The following PAPSS2 variants were observed in gnomAD, a reference collection of about 807,000 sequenced individuals.
The protein encoded by PAPSS2 is 3'-phosphoadenosine 5'-phosphosulfate synthase 2.
A neutral mutation model predicts 66.5 loss-of-function variants in PAPSS2; 61 were observed. That is an observed-to-expected ratio of 0.92 (90% CI 0.75 to 1.14). PAPSS2 has a LOEUF of 1.14. Among genes scored for constraint, PAPSS2 ranks in the 50% most tolerant of loss-of-function variants. The pLI is 0.00. For missense variants in PAPSS2, 708 were observed against 789.6 expected (o/e 0.90, Z 1.24); for synonymous variants, 289 against 287.5 (o/e 1.01, Z -0.05).
chr10:87,660,921 G>A, intron 1 of PAPSS2: 1 of 453,144 alleles, frequency 2.2e-6, no homozygotes, highest in East Asian at 7.0e-5. Context: ...AGCAAGCCTT[G>A]ATAAAATCCT....
chr10:87,672,227 AACAG>A (rs1358759400), intron 1 of PAPSS2, among the ~76,000 whole-genome samples: 3 of 152,294 alleles, frequency 2.0e-5, no homozygotes, highest in Non-Finnish European at 4.4e-5. Flanking sequence ...TTTGTCTGAG[AACAG>A]ACAGAGGCTC....
intron 1 of PAPSS2, among the ~76,000 whole-genome samples, chr10:87,697,278 C>A (rs941828): frequency 0.48 from 72,348 of 152,000 alleles, 18,026 homozygotes; most frequent in East Asian, 0.64. Context: ...GCTCCAGTCA[C>A]CCTAGTGTGC....
intron 8 of PAPSS2, among the ~76,000 whole-genome samples, chr10:87,723,035 C>G (rs968571490): frequency 1.7e-4 from 26 of 152,198 alleles, no homozygotes; most frequent in African/African-American, 6.3e-4. Flanking sequence ...AACAGTGAAA[C>G]ATCCCTTGGA....
intron 1 of PAPSS2, among the ~76,000 whole-genome samples, chr10:87,682,970 G>C (rs1187299919): frequency 6.6e-6 from 1 of 152,176 alleles, no homozygotes; most frequent in Admixed American, 6.5e-5. Context: ...TGAGGGCAGT[G>C]CACAGTATTC....
chr10:87,731,998 G>T (rs1391521911), intron 9 of PAPSS2, among the ~76,000 whole-genome samples: 1 of 152,186 alleles, frequency 6.6e-6, no homozygotes, highest in Non-Finnish European at 1.5e-5. Flanking sequence ...TCTACCATGC[G>T]TAAAATGCTA....
At chr10:87,672,165 G>C (rs1181464472) in intron 1 of PAPSS2, among the ~76,000 whole-genome samples, 1 of 152,196 alleles carries the variant, frequency 6.6e-6, no homozygotes, top group Non-Finnish European at 1.5e-5. Context: ...GTGGGGCCAT[G>C]TAACAGTAGA....
At chr10:87,734,328 G>A (rs1443795153) in intron 9 of PAPSS2, among the ~76,000 whole-genome samples, 1 of 152,082 alleles carries the variant, frequency 6.6e-6, no homozygotes, top group Non-Finnish European at 1.5e-5. Flanking sequence ...TGACTCCTAT[G>A]ACACATGAGC....
At chr10:87,691,316 A>C (rs1853168322) in intron 1 of PAPSS2, among the ~76,000 whole-genome samples, 1 of 152,200 alleles carries the variant, frequency 6.6e-6, no homozygotes, top group African/African-American at 2.4e-5. Flanking sequence ...GAACCCCCAT[A>C]GTATTCCAGG....
At chr10:87,676,960 G>C (rs567350276) in intron 1 of PAPSS2, among the ~76,000 whole-genome samples, 1 of 148,188 alleles carries the variant, frequency 6.7e-6, no homozygotes, top group Non-Finnish European at 1.5e-5. Flanking sequence ...TTGGGAGGCC[G>C]AGGCAGGCAG....
chr10:87,700,573 G>A (rs548777053), intron 1 of PAPSS2, among the ~76,000 whole-genome samples: 43 of 151,560 alleles, frequency 2.8e-4, no homozygotes, highest in African/African-American at 9.2e-4. Context: ...TGGGAGGATC[G>A]CTTGAGCCGG....
intron 7 of PAPSS2, among the ~76,000 whole-genome samples, chr10:87,718,805 T>A (rs560067385): frequency 6.6e-6 from 1 of 152,222 alleles, no homozygotes; most frequent in African/African-American, 2.4e-5. Flanking sequence ...TTGCTTTAGT[T>A]CCACAGTGTT....
intron 1 of PAPSS2, among the ~76,000 whole-genome samples, chr10:87,675,590 A>G (rs1852933822): frequency 6.6e-6 from 1 of 152,148 alleles, no homozygotes; most frequent in African/African-American, 2.4e-5. Context: ...CCTGGTTAGG[A>G]TTTACTTATA....
chr10:87,693,057 G>C (rs1274770323), intron 1 of PAPSS2, among the ~76,000 whole-genome samples: 3 of 152,204 alleles, frequency 2.0e-5, no homozygotes. Context: ...TAAGTCTCTA[G>C]AAAGGCGTTA....
chr10:87,745,956 C>T lies in PAPSS2; in HGVS notation c.1846C>T (p.Leu616=), dbSNP rs757822024. The T allele has an allele frequency of 1.9e-6, 3 of 1,614,098 alleles. No individual in the cohort carries two copies. The highest frequency in any genetic ancestry group is 3.3e-5 in the Admixed American group (2 of 60,022). The change falls in exon 13 of 13, where the codon CTG becomes TTG. Residue 616 remains leucine, a synonymous_variant. Transcript: ENST00000456849. ...WKVLTDYYRS[L]EKN is the part of the protein sequence containing the mutation. ...GGTCCTGACAGATTATTACAGGTCC[C>T]TGGAGAAGAACTAAGCCTTTGGCTC...
intron 1 of PAPSS2, among the ~76,000 whole-genome samples, chr10:87,701,925 T>C (rs1309189789): frequency 6.6e-6 from 1 of 152,148 alleles, no homozygotes; most frequent in Non-Finnish European, 1.5e-5. Context: ...TAGAAGTGGG[T>C]ATATCGTGGT....
intron 4 of PAPSS2, among the ~76,000 whole-genome samples, 188 bp downstream of exon 4, chr10:87,714,370 T>C (rs986249427): frequency 2.0e-5 from 3 of 152,212 alleles, no homozygotes; most frequent in Non-Finnish European, 2.9e-5. Flanking sequence ...GGGTTTTATT[T>C]TTAAGAATTG....
At chr10:87,736,744 A>G (rs35388513) in intron 9 of PAPSS2, among the ~76,000 whole-genome samples, 45,501 of 152,118 alleles carry the variant, frequency 0.3, 7,055 homozygotes, top group Non-Finnish European at 0.32. Flanking sequence ...ACTATGCCTT[A>G]ATCACAAACT....
At position 87,745,941 on chromosome 10, in the gene PAPSS2, G is replaced by A. The variant is rs761755006; in HGVS notation, c.1831G>A (p.Asp611Asn). The change falls in exon 13 of 13, where the codon GAT (aspartate) becomes AAT (asparagine). Residue 611 changes from aspartate to asparagine, a missense_variant. By Grantham distance (23) the Asp-to-Asn change is conservative (BLOSUM62 1). Coordinates refer to ENST00000456849, the MANE Select transcript of PAPSS2 (RefSeq NM_001015880.2). ...MAPKAWKVLTDYYRSLEKN is the reference protein window; with the variant it reads ...MAPKAWKVLTNYYRSLEKN ...CCCCAAAGCATGGAAGGTCCTGACAGATTATTACAGGTCCCTGGAGAAGAA... is the reference window on the plus strand; with the variant it reads ...CCCCAAAGCATGGAAGGTCCTGACAAATTATTACAGGTCCCTGGAGAAGAA... The A allele has an allele frequency of 6.2e-7, 1 of 1,614,066 alleles. No homozygotes were observed. Among genetic ancestry groups the A allele is most frequent in the Non-Finnish European group, 8.5e-7 (1 of 1,179,958 alleles).
intron 7 of PAPSS2, among the ~76,000 whole-genome samples, chr10:87,720,359 G>A (rs1644802475): frequency 1.3e-5 from 2 of 152,320 alleles, no homozygotes; most frequent in South Asian, 4.1e-4. Flanking sequence ...TTGAAACGCA[G>A]CAACAGAGGC....
Sources: allele counts gnomAD v4.1 joint callset (sites outside exome capture counted in the v4.1 genomes callset), GRCh38; gene constraint gnomAD v4.1.1; transcripts MANE v1.5; gene names NCBI Gene and HGNC (gene_info 2026-07-23, HGNC 2026-07-21).